GSK3B: variants seen among roughly 807,000 people sequenced by gnomAD.
GSK3B encodes the protein glycogen synthase kinase 3 beta.
In GSK3B, 15 loss-of-function variants were observed where a neutral mutation model predicts 56.4. That is an observed-to-expected ratio of 0.27 (90% CI 0.18 to 0.41). The LOEUF (loss-of-function observed/expected upper bound fraction) is 0.41, where lower values mean the gene tolerates loss of function less well. GSK3B is among the 10% of genes least tolerant of loss of function. GSK3B has a pLI of 1.00. For synonymous variants in GSK3B, 181 were observed against 188.9 expected (o/e 0.96, Z 0.34); for missense variants, 300 against 513.4 (o/e 0.58, Z 4.02).
intron 7 of GSK3B, among the ~76,000 whole-genome samples, chr3:119,884,568 GTAGA>G (rs2056413817): frequency 6.6e-6 from 1 of 152,072 alleles, no homozygotes; most frequent in Admixed American, 6.6e-5. Flanking sequence ...TTTGTCAGTG[GTAGA>G]TAGGGATACA....
intron 2 of GSK3B, among the ~76,000 whole-genome samples, chr3:119,994,315 C>T (rs1432311876): frequency 6.6e-6 from 1 of 151,988 alleles, no homozygotes; most frequent in Non-Finnish European, 1.5e-5. Context: ...AAGCTTTCCT[C>T]ATAATCCTTA....
intron 1 of GSK3B, among the ~76,000 whole-genome samples, chr3:120,032,097 A>G (rs2057981345): frequency 6.6e-6 from 1 of 152,196 alleles, no homozygotes; most frequent in African/African-American, 2.4e-5. Context: ...TGAAGGATGT[A>G]AAATATCTCA....
At chr3:120,031,253 T>C (rs775535054) in intron 1 of GSK3B, among the ~76,000 whole-genome samples, 23 of 152,366 alleles carry the variant, frequency 1.5e-4, no homozygotes, top group Middle Eastern at 6.8e-3. Context: ...ATTTAGCAGA[T>C]AGCATTTCAA....
intron 1 of GSK3B, among the ~76,000 whole-genome samples, chr3:120,045,717 G>A (rs146569617): frequency 6.7e-4 from 102 of 152,260 alleles, no homozygotes; most frequent in African/African-American, 2.4e-3. Context: ...TTGCCTGAGT[G>A]CTGGTTTCAC....
intron 2 of GSK3B, among the ~76,000 whole-genome samples, chr3:119,953,562 C>A (rs990195940): frequency 1.3e-5 from 2 of 152,140 alleles, no homozygotes; most frequent in Admixed American, 1.3e-4. Flanking sequence ...GAGAGAGACC[C>A]ACTGCCTACA....
chr3:120,064,016 G>T (rs1414566038), intron 1 of GSK3B, among the ~76,000 whole-genome samples: 1 of 151,716 alleles, frequency 6.6e-6, no homozygotes, highest in African/African-American at 2.4e-5. Context: ...ATTAATTAAT[G>T]AAAAAGCAAT....
At chr3:119,953,911 T>G (rs1043155090) in intron 2 of GSK3B, among the ~76,000 whole-genome samples, 1 of 152,110 alleles carries the variant, frequency 6.6e-6, no homozygotes, top group African/African-American at 2.4e-5. Context: ...TTCTCTTGGT[T>G]TTATTTTTAC....
intron 1 of GSK3B, among the ~76,000 whole-genome samples, chr3:120,004,882 C>A (rs1054398648): frequency 5.9e-5 from 9 of 152,108 alleles, no homozygotes; most frequent in Non-Finnish European, 7.4e-5. Flanking sequence ...CAAAGAAACA[C>A]AACTACTCGC....
At chr3:120,076,801 G>T (rs955538989) in intron 1 of GSK3B, among the ~76,000 whole-genome samples, 2 of 99,250 alleles carry the variant, frequency 2.0e-5, no homozygotes, top group Non-Finnish European at 3.6e-5. Context: ...GCGACAGAGC[G>T]AAACTCCGTC....
intron 9 of GSK3B, among the ~76,000 whole-genome samples, chr3:119,858,089 G>T (rs2056045666): frequency 6.6e-6 from 1 of 152,170 alleles, no homozygotes; most frequent in Non-Finnish European, 1.5e-5. Context: ...TCCATTTATA[G>T]AGCACAAGAA....
intron 2 of GSK3B, among the ~76,000 whole-genome samples, chr3:119,993,311 T>C (rs1243150955): frequency 6.6e-6 from 1 of 152,054 alleles, no homozygotes; most frequent in African/African-American, 2.4e-5. Flanking sequence ...TGGAACCATG[T>C]TAGTGTTTCA....
intron 2 of GSK3B, among the ~76,000 whole-genome samples, chr3:119,977,269 G>T (rs932964277): frequency 3.3e-5 from 5 of 152,122 alleles, no homozygotes; most frequent in Admixed American, 3.3e-4. Flanking sequence ...ATGAAACTTT[G>T]TATGAAAACC....
chr3:120,084,452 CT>C, intron 1 of GSK3B: 1 of 152,304 alleles, frequency 6.6e-6, no homozygotes, highest in Admixed American at 6.5e-5. Flanking sequence ...CAGAAGATTA[CT>C]TTCCATCATA....
intron 7 of GSK3B, among the ~76,000 whole-genome samples, chr3:119,902,018 G>A (rs1013724269): frequency 6.6e-5 from 10 of 152,162 alleles, no homozygotes; most frequent in Middle Eastern, 3.4e-3. Flanking sequence ...AGTTTAATAC[G>A]AGTTCCCTAC....
intron 1 of GSK3B, among the ~76,000 whole-genome samples, chr3:120,091,485 A>G (rs924910954): frequency 6.6e-6 from 1 of 152,230 alleles, no homozygotes; most frequent in African/African-American, 2.4e-5. Context: ...ATTTTCAAAG[A>G]AAATCCTGAA....
At chr3:120,067,105 G>T (rs2058287223) in intron 1 of GSK3B, among the ~76,000 whole-genome samples, 1 of 152,052 alleles carries the variant, frequency 6.6e-6, no homozygotes, top group Admixed American at 6.6e-5. Flanking sequence ...TGTGGCCCGG[G>T]AATTAGACAA....
At chr3:119,980,518 A>G (rs576307708) in intron 2 of GSK3B, among the ~76,000 whole-genome samples, 1 of 151,934 alleles carries the variant, frequency 6.6e-6, no homozygotes, top group Admixed American at 6.6e-5. Flanking sequence ...ACGCCCGGGG[A>G]ATTTTTTGTA....
chr3:119,871,253 A>G (rs2056246792), intron 8 of GSK3B, among the ~76,000 whole-genome samples: 1 of 152,222 alleles, frequency 6.6e-6, no homozygotes, highest in Non-Finnish European at 1.5e-5. Context: ...TCTGTTAGCC[A>G]GTTAGAAACA....
chr3:119,870,666 G>A (rs115383190), intron 8 of GSK3B, among the ~76,000 whole-genome samples: 22 of 152,326 alleles, frequency 1.4e-4, no homozygotes, highest in African/African-American at 5.3e-4. Context: ...TTTAGAAAGG[G>A]AGAGGAAGTG....
Sources: allele counts gnomAD v4.1 joint callset (sites outside exome capture counted in the v4.1 genomes callset), GRCh38; gene constraint gnomAD v4.1.1; transcripts MANE v1.5; gene names NCBI Gene and HGNC (gene_info 2026-07-23, HGNC 2026-07-21).